Variants in AGMO observed in about 807,000 individuals in gnomAD.
The protein encoded by AGMO is alkylglycerol monooxygenase, also known as glyceryl-ether monooxygenase.
AGMO carries 75 observed loss-of-function variants against 60.2 expected under a neutral mutation model. That is an observed-to-expected ratio of 1.25 (90% CI 1.03 to 1.51). The LOEUF is 1.51. Ranked by LOEUF, AGMO falls within the 40% of genes most tolerant of loss-of-function variation. The probability of loss-of-function intolerance (pLI) is 0.00; values close to 1 mark genes in which losing one functional copy is unlikely to be tolerated. For synonymous variants in AGMO, 261 were observed against 177.1 expected, an observed-to-expected ratio of 1.47 and a Z score of -3.76; for missense variants, 763 against 525.5, an observed-to-expected ratio of 1.45 and a Z score of -4.42.
At chr7:15,148,806 A>G in the AGMO span, among the ~76,000 whole-genome samples, 1 of 152,128 alleles carries the variant, frequency 6.6e-6, no homozygotes, top group Admixed American at 6.6e-5. Flanking sequence ...TCTTTTTGGT[A>G]AAACAATGTA....
the AGMO span, among the ~76,000 whole-genome samples, chr7:15,194,511 A>C: frequency 6.6e-6 from 1 of 152,290 alleles, no homozygotes; most frequent in Non-Finnish European, 1.5e-5. Flanking sequence ...ATATCTTAAA[A>C]TGAGTACAAA....
rs1403279897 is a variant in AGMO at position 15,322,690 on chromosome 7, ATATG to A, written c.1263+42820_1263+42823del. Among the ~76,000 whole-genome samples, 37 of 69,604 alleles carry A rather than the reference ATATG, an allele frequency of 5.3e-4. 9 individuals carry two copies. Among genetic ancestry groups the A allele is most frequent in the Non-Finnish European group, 7.6e-4 (33 of 43,154 alleles). 45.7% of individuals were successfully genotyped at this position (69,604 alleles called of 152,430 possible). A position where few individuals can be genotyped will look rare whatever the true frequency, so the allele number is the denominator to read the frequency against. ...TATATAAATATATGTATATATAAATATATGAATATGTATAAATATATATAAATAT... is the reference window on the plus strand; with the variant it reads ...TATATAAATATATGTATATATAAATAAATATGTATAAATATATATAAATAT... On this transcript the variant is annotated intron_variant, in intron 12 of 12. Coordinates refer to ENST00000342526, the MANE Select transcript of AGMO (RefSeq NM_001004320.2).
At chr7:15,389,931 C>A (rs1195178580) in intron 8 of AGMO, among the ~76,000 whole-genome samples, 2 of 152,122 alleles carry the variant, frequency 1.3e-5, no homozygotes, top group African/African-American at 4.8e-5. Context: ...AAAGCTGACC[C>A]AACATGAGCC....
chr7:15,241,613 G>C (rs982756968), intron 12 of AGMO, among the ~76,000 whole-genome samples: 2 of 152,044 alleles, frequency 1.3e-5, no homozygotes, highest in African/African-American at 2.4e-5. Context: ...CAACTGACAT[G>C]ATGAGTCAAA....
At chr7:15,337,797 A>G (rs1173585348) in intron 12 of AGMO, among the ~76,000 whole-genome samples, 1 of 152,222 alleles carries the variant, frequency 6.6e-6, no homozygotes, top group Non-Finnish European at 1.5e-5. Context: ...TCTTACATTT[A>G]GCAGATTGCT....
At chr7:15,290,246 C>G (rs1583369365) in intron 12 of AGMO, among the ~76,000 whole-genome samples, 1 of 152,002 alleles carries the variant, frequency 6.6e-6, no homozygotes, top group Non-Finnish European at 1.5e-5. Context: ...TCAGGCTGGT[C>G]TCGAACTCCT....
intron 12 of AGMO, among the ~76,000 whole-genome samples, chr7:15,321,298 G>A (rs556211769): frequency 6.6e-6 from 1 of 152,136 alleles, no homozygotes; most frequent in Admixed American, 6.6e-5. Context: ...AACCCCAAAC[G>A]GATGTTCTAC....
At chr7:15,411,720 TA>T (rs1278469675) in intron 5 of AGMO, among the ~76,000 whole-genome samples, 1 of 152,036 alleles carries the variant, frequency 6.6e-6, no homozygotes, top group Non-Finnish European at 1.5e-5. Context: ...AATGGTGAAA[TA>T]ACAGCTACAG....
intron 2 of AGMO, among the ~76,000 whole-genome samples, chr7:15,548,257 A>T (rs1332167387): frequency 6.6e-6 from 1 of 152,102 alleles, no homozygotes; most frequent in Non-Finnish European, 1.5e-5. Context: ...AACGCAGAGC[A>T]CCTCTCCTCC....
the AGMO span, among the ~76,000 whole-genome samples, chr7:15,163,538 A>G: frequency 5.9e-5 from 9 of 152,056 alleles, no homozygotes; most frequent in African/African-American, 2.2e-4. Context: ...AAGGGATGTT[A>G]GATTTTATAG....
intron 10 of AGMO, among the ~76,000 whole-genome samples, chr7:15,372,404 C>T (rs781567398): frequency 6.6e-6 from 1 of 152,118 alleles, no homozygotes; most frequent in East Asian, 1.9e-4. Context: ...TGCAGTGAGG[C>T]AAGATCATGC....
At chr7:15,250,928 A>G (rs748580416) in intron 12 of AGMO, among the ~76,000 whole-genome samples, 29 of 151,624 alleles carry the variant, frequency 1.9e-4, no homozygotes, top group Non-Finnish European at 3.8e-4. Flanking sequence ...CTAGGCAATA[A>G]GAGCAAAACT....
chr7:15,204,650 C>T (rs1325229308), intron 12 of AGMO, among the ~76,000 whole-genome samples: 4 of 152,122 alleles, frequency 2.6e-5, no homozygotes, highest in African/African-American at 9.7e-5. Flanking sequence ...ATTAGTGGTC[C>T]TTGTCTTCAG....
At chr7:15,403,722 A>C (rs945335912) in intron 5 of AGMO, among the ~76,000 whole-genome samples, 5 of 151,982 alleles carry the variant, frequency 3.3e-5, no homozygotes, top group Non-Finnish European at 5.9e-5. Context: ...AATCAACCTG[A>C]ATGTTTATGG....
intron 12 of AGMO, chr7:15,306,535 G>A (rs554012815): frequency 2.1e-6 from 1 of 467,982 alleles, no homozygotes; most frequent in East Asian, 7.0e-5. Flanking sequence ...TCCTTGGCCT[G>A]GAGCCCAATT....
At chr7:15,542,605 A>G (rs1784660068) in intron 3 of AGMO, among the ~76,000 whole-genome samples, 1 of 152,216 alleles carries the variant, frequency 6.6e-6, no homozygotes, top group African/African-American at 2.4e-5. Flanking sequence ...TATGTAATAT[A>G]GTACAATATA....
chr7:15,404,110 G>C (rs1282493217), intron 5 of AGMO, among the ~76,000 whole-genome samples: 1 of 151,894 alleles, frequency 6.6e-6, no homozygotes, highest in Non-Finnish European at 1.5e-5. Context: ...GGAGGAATCA[G>C]GACTGTTGGG....
intron 10 of AGMO, among the ~76,000 whole-genome samples, chr7:15,381,512 A>G (rs1404544841): frequency 6.6e-6 from 1 of 152,178 alleles, no homozygotes; most frequent in Non-Finnish European, 1.5e-5. Context: ...GTATTATTAA[A>G]AACTCAAAAA....
the AGMO span, among the ~76,000 whole-genome samples, chr7:15,188,161 G>A: frequency 1.2e-4 from 19 of 152,250 alleles, no homozygotes; most frequent in African/African-American, 4.6e-4. Flanking sequence ...AAACTTCAAT[G>A]GATGAATACT....
Sources: gnomAD v4.1 joint callset for allele counts (sites outside exome capture counted in the v4.1 genomes callset) on GRCh38, gnomAD v4.1.1 for gene constraint, MANE v1.5 for transcripts, NCBI Gene and HGNC (gene_info 2026-07-23, HGNC 2026-07-21) for gene names.